Variants in TPO observed in about 807,000 individuals in gnomAD.
TPO encodes thyroid peroxidase.
In TPO, 78 loss-of-function variants were observed where a neutral mutation model predicts 96.9. The ratio of observed to expected loss-of-function variants is 0.81; its 90% CI spans 0.67 to 0.97. The LOEUF (loss-of-function observed/expected upper bound fraction) is 0.97, where lower values mean the gene tolerates loss of function less well. Among genes scored for constraint, TPO ranks in the 50% least tolerant of loss-of-function variants. TPO has a pLI of 0.00. For synonymous variants in TPO, 547 were observed against 538.0 expected (o/e 1.02, Z -0.23); for missense variants, 1,252 against 1,274.8 (o/e 0.98, Z 0.27).
chr2:1,405,460 C>T (rs1662237108), intron 1 of TPO, among the ~76,000 whole-genome samples: 2 of 151,942 alleles, frequency 1.3e-5, no homozygotes, highest in Non-Finnish European at 2.9e-5. Flanking sequence ...TCTATCCATC[C>T]ACTGATCAGT....
rs374086962 is a variant in TPO, at chr2:1,502,800, G to A, written c.2387-1148G>A. Reference sequence around the variant, plus strand: ...CACCCTGCTAGTTGTCATAAGCATCGTCTTTGATTCCACGCCCATTTTTCA... The same window carrying A: ...CACCCTGCTAGTTGTCATAAGCATCATCTTTGATTCCACGCCCATTTTTCA... On this transcript the variant is annotated intron_variant, in intron 13 of 16. Transcript: ENST00000329066. 2.3e-3 allele frequency among the ~76,000 whole-genome samples: 352 copies of A among 152,316 alleles called. 1 individual carries two copies. Among genetic ancestry groups the A allele is most frequent in the Middle Eastern group, 0.014 (4 of 294 alleles).
At chr2:1,440,816 CA>C (rs780615991) in intron 5 of TPO, among the ~76,000 whole-genome samples, 1 of 151,832 alleles carries the variant, frequency 6.6e-6, no homozygotes, top group Non-Finnish European at 1.5e-5. Context: ...ATGGTGTAGT[CA>C]TTGCCGCAGG....
intron 5 of TPO, among the ~76,000 whole-genome samples, chr2:1,451,875 C>G (rs1326516580): frequency 1.2e-4 from 18 of 152,136 alleles, no homozygotes; most frequent in African/African-American, 4.1e-4. Flanking sequence ...ATAATTTATG[C>G]CTTATAAATT....
chr2:1,532,952 A>T (rs1678658709), intron 15 of TPO, among the ~76,000 whole-genome samples: 1 of 108,202 alleles, frequency 9.2e-6, no homozygotes, highest in Non-Finnish European at 1.8e-5. Context: ...CAACCTCCTC[A>T]AATCCCCCCA....
At chr2:1,448,876 G>C (rs1004489225) in intron 5 of TPO, among the ~76,000 whole-genome samples, 2 of 152,186 alleles carry the variant, frequency 1.3e-5, no homozygotes, top group Non-Finnish European at 2.9e-5. Flanking sequence ...TTCCATCCAG[G>C]CGGGACAGAC....
chr2:1,494,110 C>A (rs1178054712), intron 11 of TPO, 71 bp downstream of exon 11: 5 of 1,437,142 alleles, frequency 3.5e-6, no homozygotes, highest in Non-Finnish European at 4.9e-6. Flanking sequence ...GGTTCTGAAG[C>A]CAGCCAGACC....
intron 1 of TPO, among the ~76,000 whole-genome samples, chr2:1,394,542 C>A (rs1662050194): frequency 1.3e-5 from 2 of 152,202 alleles, no homozygotes; most frequent in South Asian, 4.1e-4. Context: ...GCTCCTTTAA[C>A]ACTTGAAGCA....
upstream of TPO, among the ~76,000 whole-genome samples, chr2:1,412,071 G>A (rs929445091): frequency 2.6e-5 from 4 of 152,232 alleles, no homozygotes; most frequent in African/African-American, 9.6e-5. Context: ...GTCTTTTTAA[G>A]CTGGACTTCA....
At chr2:1,534,448 G>T (rs78889382) in intron 15 of TPO, among the ~76,000 whole-genome samples, 5 of 24,242 alleles carry the variant, frequency 2.1e-4, no homozygotes, top group African/African-American at 8.8e-4. Flanking sequence ...ATTACCCCCA[G>T]TGCAATCTCA....
At chr2:1,500,721 C>T (rs569709586) in intron 13 of TPO, among the ~76,000 whole-genome samples, 33 of 152,082 alleles carry the variant, frequency 2.2e-4, no homozygotes, top group African/African-American at 8.0e-4. Flanking sequence ...AATCCCAGCA[C>T]TTTGGGAGGC....
intron 5 of TPO, among the ~76,000 whole-genome samples, chr2:1,438,656 T>C (rs2148511501): frequency 6.7e-6 from 1 of 148,424 alleles, no homozygotes; most frequent in African/African-American, 2.5e-5. Context: ...GTGGGCATCC[T>C]TAAAGCAAAT....
chr2:1,415,171 C>T (rs1030876542), intron 2 of TPO, among the ~76,000 whole-genome samples: 2 of 147,810 alleles, frequency 1.4e-5, no homozygotes, highest in Non-Finnish European at 1.5e-5. Flanking sequence ...GAGCAGGTGA[C>T]ACCTCGCCGG....
chr2:1,501,086 A>G (rs1672829650), intron 13 of TPO, among the ~76,000 whole-genome samples: 1 of 152,128 alleles, frequency 6.6e-6, no homozygotes, highest in Admixed American at 6.6e-5. Flanking sequence ...TCCATGAGTT[A>G]TTGTCAGGAG....
chr2:1,493,214 G>GGGGC (rs1671962042), intron 10 of TPO, among the ~76,000 whole-genome samples: 1 of 125,008 alleles, frequency 8.0e-6, no homozygotes, highest in African/African-American at 2.9e-5. Flanking sequence ...GTGGGTGGGG[G>GGGGC]GGGGGGTGCT....
intron 15 of TPO, among the ~76,000 whole-genome samples, chr2:1,527,436 AGCAACCTCCTCAAATACCCCACTGTGT>A (rs1676851908): frequency 1.9e-5 from 2 of 103,462 alleles, no homozygotes; most frequent in African/African-American, 7.9e-5. Flanking sequence ...CGCCACTGTG[AGCAACCTCCTCAAATACCCCACTGTGT>A]GCAACCTCCT....
intron 15 of TPO, 52 bp downstream of exon 15, chr2:1,517,034 C>T (rs1674789134): frequency 6.3e-7 from 1 of 1,577,868 alleles, no homozygotes; most frequent in Admixed American, 1.7e-5. Flanking sequence ...ATCTCCTTTC[C>T]TCTGGACATG....
intron 13 of TPO, among the ~76,000 whole-genome samples, chr2:1,500,553 C>CGGCTACAGAAAGGAA (rs1356800531): frequency 5.3e-5 from 8 of 152,082 alleles, no homozygotes; most frequent in Admixed American, 3.3e-4. Context: ...AACACATCTG[C>CGGCTACAGAAAGGAA]GGCTACAGAA....
chr2:1,398,448 T>G (rs1436628299), intron 1 of TPO, among the ~76,000 whole-genome samples: 1 of 152,206 alleles, frequency 6.6e-6, no homozygotes, highest in Non-Finnish European at 1.5e-5. Flanking sequence ...CAAACAAGGC[T>G]GGCCACCACC....
At chr2:1,378,467 G>C (rs1255768742) in intron 1 of TPO, among the ~76,000 whole-genome samples, 1 of 152,228 alleles carries the variant, frequency 6.6e-6, no homozygotes, top group Non-Finnish European at 1.5e-5. Flanking sequence ...AAATGTGCCT[G>C]TTACCGATGG....
Sources: allele counts gnomAD v4.1 joint callset (sites outside exome capture counted in the v4.1 genomes callset), GRCh38; gene constraint gnomAD v4.1.1; transcripts MANE v1.5; gene names NCBI Gene and HGNC (gene_info 2026-07-23, HGNC 2026-07-21).